BTG4: variants seen among roughly 807,000 people sequenced by gnomAD.
BTG4 encodes BTG anti-proliferation factor 4, also known as protein BTG4.
BTG4 carries 10 observed loss-of-function variants against 19.3 expected under a neutral mutation model. That is an observed-to-expected ratio of 0.52 (90% CI 0.32 to 0.88). The LOEUF is 0.88. Among genes scored for constraint, BTG4 ranks in the 40% least tolerant of loss-of-function variants. BTG4 has a pLI of 0.04. For synonymous variants in BTG4, 91 were observed against 95.7 expected, an observed-to-expected ratio of 0.95 and a Z score of 0.29; for missense variants, 238 against 281.9, an observed-to-expected ratio of 0.84 and a Z score of 1.11.
upstream of BTG4, chr11:111,514,510 G>A (rs373949066): frequency 9.2e-6 from 4 of 436,592 alleles, no homozygotes; most frequent in South Asian, 6.8e-5. Context: ...GAGGATATAA[G>A]AAGCTAAACT....
chr11:111,411,426 G>A, the BTG4 span, among the ~76,000 whole-genome samples: 14 of 152,166 alleles, frequency 9.2e-5, no homozygotes, highest in African/African-American at 2.7e-4. Flanking sequence ...TCCTTTCTTC[G>A]GGTCACTGAG....
At chr11:111,476,159 C>CACACACACACACACACAA (rs768527245) in intron 5 of BTG4, among the ~76,000 whole-genome samples, 1 of 151,578 alleles carries the variant, frequency 6.6e-6, no homozygotes, top group African/African-American at 2.4e-5. Context: ...CACACACACA[C>CACACACACACACACACAA]AATAAAATAT....
rs546614630 is a variant in BTG4, at chr11:111,498,556, G to C, written c.173+48C>G. On this transcript the variant is annotated intron_variant, in intron 2 of 4. Transcript: ENST00000692032. Reference sequence around the variant, plus strand: ...ACTCCATTTTCCTAGGAGCTGGCTGGTTGCTTGGTGATTGCTTCCCTTTGC... The same window carrying C: ...ACTCCATTTTCCTAGGAGCTGGCTGCTTGCTTGGTGATTGCTTCCCTTTGC... 44 of 1,523,020 alleles carry C rather than the reference G, an allele frequency of 2.9e-5. No individual in the cohort carries two copies. The East Asian group carries it at 7.0e-4, about 24-fold the overall frequency. 94.3% of individuals were successfully genotyped at this position (1,523,020 alleles called of 1,614,324 possible).
chr11:111,501,955 C>T (rs1298427868), intron 1 of BTG4, among the ~76,000 whole-genome samples: 1 of 152,078 alleles, frequency 6.6e-6, no homozygotes, highest in Non-Finnish European at 1.5e-5. Flanking sequence ...TTAAAATAAA[C>T]AAACGTGAAA....
chr11:111,443,775 G>A, the BTG4 span, among the ~76,000 whole-genome samples: 2 of 152,302 alleles, frequency 1.3e-5, no homozygotes, highest in African/African-American at 2.4e-5. Flanking sequence ...GCAACAGGAC[G>A]AGGACCTGGG....
the BTG4 span, among the ~76,000 whole-genome samples, chr11:111,460,953 G>T: frequency 1.3e-5 from 2 of 152,122 alleles, no homozygotes; most frequent in East Asian, 3.9e-4. Flanking sequence ...ACCAAACCCA[G>T]CCACTTCACA....
At chr11:111,482,319 A>G (rs1864790254) in intron 5 of BTG4, among the ~76,000 whole-genome samples, 1 of 152,150 alleles carries the variant, frequency 6.6e-6, no homozygotes. Context: ...ATCTAAATAA[A>G]TGGAGAAACA....
At chr11:111,464,372 G>A (rs927779908), downstream of BTG4, among the ~76,000 whole-genome samples, 1 of 152,116 alleles carries the variant, frequency 6.6e-6, no homozygotes, top group African/African-American at 2.4e-5. Flanking sequence ...TTGGATGAAC[G>A]ACTAGATCCA....
chr11:111,503,587 G>A (rs944715982), intron 1 of BTG4, among the ~76,000 whole-genome samples: 1 of 152,134 alleles, frequency 6.6e-6, no homozygotes, highest in East Asian at 1.9e-4. Context: ...TGTTCTGTTT[G>A]GGTGAGGGGA....
the BTG4 span, among the ~76,000 whole-genome samples, chr11:111,445,095 T>A: frequency 6.6e-6 from 1 of 152,102 alleles, no homozygotes; most frequent in Non-Finnish European, 1.5e-5. Flanking sequence ...CGTGCTAAGG[T>A]TAAGGTTGCC....
At chr11:111,512,864 A>C, upstream of BTG4, 3 of 404,876 alleles carry the variant, frequency 7.4e-6, no homozygotes, top group Non-Finnish European at 5.0e-6. Context: ...CCCCCGGTGA[A>C]ATGGGGTCCG....
At chr11:111,488,514 A>G (rs1865203454) in intron 5 of BTG4, among the ~76,000 whole-genome samples, 1 of 152,204 alleles carries the variant, frequency 6.6e-6, no homozygotes, top group African/African-American at 2.4e-5. Context: ...AAACATTGGG[A>G]ACATGTTCTA....
At chr11:111,420,758 T>C in the BTG4 span, among the ~76,000 whole-genome samples, 1 of 152,208 alleles carries the variant, frequency 6.6e-6, no homozygotes, top group Admixed American at 6.5e-5. Context: ...AGCACCTAAT[T>C]TGTGCCAAGC....
At chr11:111,403,873 T>C in the BTG4 span, among the ~76,000 whole-genome samples, 1 of 152,202 alleles carries the variant, frequency 6.6e-6, no homozygotes, top group Non-Finnish European at 1.5e-5. Context: ...GTAGAACTAA[T>C]AACAAAAATA....
the BTG4 span, among the ~76,000 whole-genome samples, chr11:111,433,713 A>AAAAC: frequency 0.97 from 146,842 of 151,768 alleles, 71,104 homozygotes; most frequent in South Asian, 1. Flanking sequence ...TTACAAGAAA[A>AAAAC]AAACAACCCC....
At chr11:111,392,790 C>G in the BTG4 span, among the ~76,000 whole-genome samples, 2 of 152,212 alleles carry the variant, frequency 1.3e-5, no homozygotes, top group Middle Eastern at 3.2e-3. Context: ...GAGCCCAGAC[C>G]TGCGAGTCAA....
chr11:111,498,031 G>A lies in BTG4; in HGVS notation c.278C>T (p.Thr93Ile). ...FSHLGLPKEM[T>I]IWVDPFEVCC... The stretch of plus-strand genomic sequence containing the variant: ...TACTTCAAAGGGATCTACCCATATG[G>A]TCATCTCCTTCGGAAGTCCCAGGTG... Residue 93 changes from threonine to isoleucine, a missense_variant, in exon 3 of 5, where the codon ACC (threonine) becomes ATC (isoleucine). By Grantham distance (89) the Thr-to-Ile change is moderately conservative. Coordinates refer to ENST00000692032, the MANE Select transcript of BTG4 (RefSeq NM_001367975.1). 6.2e-7 allele frequency: 1 copy of A among 1,614,072 alleles called. No individual in the cohort carries two copies. Among genetic ancestry groups the A allele is most frequent in the South Asian group, 1.1e-5 (1 of 91,072 alleles).
chr11:111,475,957 G>A (rs1005088725), intron 5 of BTG4, among the ~76,000 whole-genome samples: 6 of 152,012 alleles, frequency 3.9e-5, no homozygotes, highest in Non-Finnish European at 8.8e-5. Flanking sequence ...CAGATCTTGT[G>A]AGACTTATTC....
intron 5 of BTG4, among the ~76,000 whole-genome samples, chr11:111,482,386 T>A (rs1466254766): frequency 3.3e-5 from 5 of 152,062 alleles, no homozygotes; most frequent in African/African-American, 1.2e-4. Context: ...TCTCTCCAGA[T>A]TGATATATAG....
Sources: allele counts gnomAD v4.1 joint callset (sites outside exome capture counted in the v4.1 genomes callset), GRCh38; gene constraint gnomAD v4.1.1; transcripts MANE v1.5; gene names NCBI Gene and HGNC (gene_info 2026-07-23, HGNC 2026-07-21).